RAB31: variants seen among roughly 807,000 people sequenced by gnomAD.
RAB31 encodes ras-related protein Rab-31.
Under a neutral mutation model 25.6 loss-of-function variants are expected in RAB31, and 21 were observed. That is an observed-to-expected ratio of 0.82 (90% confidence interval 0.58 to 1.18). RAB31 has a LOEUF of 1.18. RAB31 is among the 50% of genes most tolerant of loss of function. RAB31 has a pLI of 0.00. For missense variants in RAB31, 196 were observed against 250.1 expected, an observed-to-expected ratio of 0.78 and a Z score of 1.46; for synonymous variants, 87 against 84.0, an observed-to-expected ratio of 1.04 and a Z score of -0.20.
chr18:9,831,065 C>T (rs560729799), intron 5 of RAB31, among the ~76,000 whole-genome samples: 1 of 152,298 alleles, frequency 6.6e-6, no homozygotes, highest in Non-Finnish European at 1.5e-5. Flanking sequence ...ATCAACACTG[C>T]ACTAACTTAA....
chr18:9,857,757 G>T (rs926294979), intron 6 of RAB31, among the ~76,000 whole-genome samples: 1 of 151,730 alleles, frequency 6.6e-6, no homozygotes, highest in East Asian at 1.9e-4. Flanking sequence ...CCTAGGCCTG[G>T]TGGCTCATAC....
chr18:9,738,446 C>T (rs1456380567), intron 1 of RAB31, among the ~76,000 whole-genome samples: 1 of 152,102 alleles, frequency 6.6e-6, no homozygotes, highest in African/African-American at 2.4e-5. Context: ...GAGTTGATCA[C>T]CAGTGGCCAT....
chr18:9,728,860 A>G (rs1016251609), intron 1 of RAB31, among the ~76,000 whole-genome samples: 1 of 152,108 alleles, frequency 6.6e-6, no homozygotes, highest in African/African-American at 2.4e-5. Flanking sequence ...AAATTTTTTT[A>G]TTTTTGCTAA....
In RAB31 at chr18:9,822,808, C is replaced by T. The variant is rs944080208; in HGVS notation, c.380+7586C>T. ...AAAAACTGAGTCATCCATACGTTGC[C>T]GGTGTGAATGCAAAATGGCACAGCC... is the stretch of plus-strand genomic sequence containing the variant. On this transcript the variant is annotated intron_variant, in intron 5 of 6. Transcript: ENST00000578921. Among the ~76,000 whole-genome samples the T allele has an allele frequency of 5.3e-5, 8 of 152,246 alleles. No homozygotes were observed. The East Asian group carries it at 9.6e-4, about 18-fold the overall frequency.
chr18:9,806,282 G>C (rs1389809319), intron 3 of RAB31, among the ~76,000 whole-genome samples: 1 of 152,156 alleles, frequency 6.6e-6, no homozygotes, highest in Non-Finnish European at 1.5e-5. Context: ...TCTCTCCCTG[G>C]TTTCACAGGG....
chr18:9,775,147 C>CA (rs2068365246), intron 1 of RAB31, 131 bp from the exon 2 acceptor site: 2 of 1,400,430 alleles, frequency 1.4e-6, no homozygotes, highest in Non-Finnish European at 1.9e-6. Flanking sequence ...AATATCCCCC[C>CA]ACTCCCTCTC....
intron 1 of RAB31, among the ~76,000 whole-genome samples, chr18:9,713,560 T>A (rs2068028715): frequency 1.3e-5 from 2 of 152,172 alleles, no homozygotes; most frequent in Admixed American, 1.3e-4. Flanking sequence ...TCCTCCTTTG[T>A]TCAGGGTCAG....
chr18:9,722,107 G>T (rs1455303939), intron 1 of RAB31, among the ~76,000 whole-genome samples: 2 of 152,126 alleles, frequency 1.3e-5, no homozygotes, highest in Non-Finnish European at 2.9e-5. Context: ...GTAGAAGGGG[G>T]TTAGGTCAGG....
chr18:9,730,638 G>A (rs2068118278), intron 1 of RAB31, among the ~76,000 whole-genome samples: 1 of 152,192 alleles, frequency 6.6e-6, no homozygotes, highest in Non-Finnish European at 1.5e-5. Context: ...ATGTGGAGAA[G>A]CTGAAATGCT....
chr18:9,841,152 G>A (rs909377428), intron 5 of RAB31, among the ~76,000 whole-genome samples: 3 of 151,978 alleles, frequency 2.0e-5, no homozygotes, highest in Non-Finnish European at 4.4e-5. Flanking sequence ...TGCTGGTCAT[G>A]AACTCCTGAT....
At chr18:9,749,685 A>G (rs2068224182) in intron 1 of RAB31, among the ~76,000 whole-genome samples, 1 of 152,206 alleles carries the variant, frequency 6.6e-6, no homozygotes, top group African/African-American at 2.4e-5. Flanking sequence ...GTTATGATTG[A>G]GGTTTGCAGA....
At position 9,798,805 on chromosome 18, in the gene RAB31, T is replaced by A. The variant is rs1419753196; in HGVS notation, c.201+6570T>A. 2.2e-5 allele frequency among the ~76,000 whole-genome samples: 3 copies of A among 137,148 alleles called. No individual in the cohort carries two copies. The East Asian group carries it at 6.6e-4, about 30-fold the overall frequency. 90.0% of individuals were successfully genotyped at this position (137,148 alleles called of 152,430 possible). On this transcript the variant is annotated intron_variant, in intron 3 of 6. Transcript: ENST00000578921. ...AGCTAATTTAAAAAAAAAAAAAAAATTGGGCCAGACACAGTTGCTCACGCC... is the reference window on the plus strand; with the variant it reads ...AGCTAATTTAAAAAAAAAAAAAAAAATGGGCCAGACACAGTTGCTCACGCC...
intron 1 of RAB31, among the ~76,000 whole-genome samples, chr18:9,744,326 A>G (rs1215068017): frequency 6.6e-6 from 1 of 152,228 alleles, no homozygotes; most frequent in African/African-American, 2.4e-5. Flanking sequence ...GCATGGCTAA[A>G]ATGACCCCCT....
At position 9,860,167 on chromosome 18, in the gene RAB31, T is replaced by C. The variant is rs2068840121; in HGVS notation, c.*842T>C. ...CTCTCTTAGAGAAGTTTAACGCACATAGTATTATTTTACTAAGAGAATATC... is the reference window on the plus strand; with the variant it reads ...CTCTCTTAGAGAAGTTTAACGCACACAGTATTATTTTACTAAGAGAATATC... On this transcript the variant is annotated 3_prime_UTR_variant, in exon 7 of 7. Transcript: ENST00000578921. The C allele has an allele frequency of 6.6e-6, 1 of 152,232 alleles. No homozygotes were observed. The highest frequency in any genetic ancestry group is 1.5e-5 in the Non-Finnish European group (1 of 68,044). 9.4% of individuals were successfully genotyped at this position (152,232 alleles called of 1,614,324 possible).
intron 1 of RAB31, among the ~76,000 whole-genome samples, chr18:9,752,451 A>C (rs1411621802): frequency 2.6e-5 from 4 of 152,056 alleles, no homozygotes; most frequent in African/African-American, 7.2e-5. Flanking sequence ...TCTCGAACTT[A>C]TGACCTCAGA....
At chr18:9,806,529 G>C (rs988338826) in intron 3 of RAB31, among the ~76,000 whole-genome samples, 19 of 152,056 alleles carry the variant, frequency 1.2e-4, no homozygotes, top group African/African-American at 4.6e-4. Context: ...CAGCGAGAAG[G>C]CCGGGGCTGG....
chr18:9,829,164 A>G (rs1568190088), intron 5 of RAB31, among the ~76,000 whole-genome samples: 2 of 152,266 alleles, frequency 1.3e-5, no homozygotes, highest in East Asian at 3.9e-4. Context: ...GCCACAGAGA[A>G]CCCTTCCCCA....
In RAB31 at chr18:9,861,409, C is replaced by T. The variant is rs1233503913; in HGVS notation, c.*2084C>T. ...ATGAGGGTGTGAAACCACTCTGTTA[C>T]CTTTCTGTATTGTCTTAGCTATTCA... On this transcript the variant is annotated 3_prime_UTR_variant, in exon 7 of 7. Coordinates refer to ENST00000578921, the MANE Select transcript of RAB31 (RefSeq NM_006868.4). 6.6e-6 allele frequency: 1 copy of T among 152,154 alleles called. No homozygotes were observed. Among genetic ancestry groups the T allele is most frequent in the Non-Finnish European group, 1.5e-5 (1 of 68,044 alleles). 9.4% of individuals were successfully genotyped at this position (152,154 alleles called of 1,614,324 possible).
chr18:9,809,553 A>G (rs2068560191), intron 3 of RAB31, among the ~76,000 whole-genome samples: 1 of 152,006 alleles, frequency 6.6e-6, no homozygotes, highest in South Asian at 2.1e-4. Flanking sequence ...GGCCACCTCC[A>G]CGTGGCCTGG....
Sources: allele counts gnomAD v4.1 joint callset (sites outside exome capture counted in the v4.1 genomes callset), GRCh38; gene constraint gnomAD v4.1.1; transcripts MANE v1.5; gene names NCBI Gene and HGNC (gene_info 2026-07-23, HGNC 2026-07-21).